The following DNAJB14 variants were observed in gnomAD, a reference collection of about 807,000 sequenced individuals.
DNAJB14 encodes the protein DnaJ heat shock protein family (Hsp40) member B14, also known as dnaJ homolog subfamily B member 14.
A neutral mutation model predicts 48.4 loss-of-function variants in DNAJB14; 22 were observed. The ratio of observed to expected loss-of-function variants is 0.45; its 90% CI spans 0.32 to 0.65. The LOEUF (loss-of-function observed/expected upper bound fraction) is 0.65. Among genes scored for constraint, DNAJB14 ranks in the 30% least tolerant of loss-of-function variants. The pLI, the probability that DNAJB14 is intolerant of heterozygous loss-of-function variation, is 0.03. For missense variants in DNAJB14, 319 were observed against 458.8 expected (o/e 0.70, Z 2.78); for synonymous variants, 142 against 158.7 (o/e 0.89, Z 0.79).
At chr4:99,915,299 G>A (rs562478333) in intron 3 of DNAJB14, among the ~76,000 whole-genome samples, 10 of 152,066 alleles carry the variant, frequency 6.6e-5, no homozygotes, top group African/African-American at 2.2e-4. Context: ...CACCACGCCC[G>A]GCTACTTTTT....
At chr4:99,925,602 T>C (rs1726222867) in intron 2 of DNAJB14, 1 of 152,184 alleles carries the variant, frequency 6.6e-6, no homozygotes, top group Non-Finnish European at 1.5e-5. Flanking sequence ...TAAGGACTTA[T>C]TTCTTCAACA....
intron 1 of DNAJB14, among the ~76,000 whole-genome samples, chr4:99,931,635 T>C (rs976339737): frequency 1.3e-5 from 2 of 151,990 alleles, no homozygotes; most frequent in Non-Finnish European, 2.9e-5. Context: ...ATCTAAGAGA[T>C]ATAACATTAT....
intron 1 of DNAJB14, among the ~76,000 whole-genome samples, chr4:99,934,469 T>A (rs1726594123): frequency 1.3e-5 from 2 of 151,700 alleles, no homozygotes; most frequent in Admixed American, 6.6e-5. Context: ...ATGCATGATA[T>A]AAAAGAACAA....
rs755423998 is a variant in DNAJB14, at chr4:99,946,464, C to T, written c.108G>A (p.Lys36=). Residue 36 remains lysine, a synonymous_variant, in exon 1 of 8, where the codon AAG becomes AAA. Coordinates refer to ENST00000442697, the MANE Select transcript of DNAJB14 (RefSeq NM_001031723.4). ...KAQRFLQKAE[K]LYPLPSARAL... is the part of the protein sequence containing the mutation. Reference sequence around the variant, plus strand: ...CGCGGGCCGAGGGCAGTGGGTAGAGCTTCTCGGCCTTCTGCAGGAAGCGCT... The same window carrying T: ...CGCGGGCCGAGGGCAGTGGGTAGAGTTTCTCGGCCTTCTGCAGGAAGCGCT... 1 of 1,613,266 alleles carries T rather than the reference C, an allele frequency of 6.2e-7. No homozygotes were observed. Among genetic ancestry groups the T allele is most frequent in the East Asian group, 2.2e-5 (1 of 44,816 alleles).
rs925822915 is a variant in DNAJB14, at chr4:99,897,432, C to G, written c.*3596G>C. On this transcript the variant is annotated 3_prime_UTR_variant, in exon 8 of 8. Coordinates refer to ENST00000442697, the MANE Select transcript of DNAJB14 (RefSeq NM_001031723.4). The stretch of plus-strand genomic sequence containing the variant: ...AGTGTTTCCATTTATATGAAAGTAT[C>G]TATTTAATAGTAATAAAACCAAAAA... 1 of 151,734 alleles carries G rather than the reference C, an allele frequency of 6.6e-6. No homozygotes were observed. The highest frequency in any genetic ancestry group is 1.5e-5 in the Non-Finnish European group (1 of 67,816). 9.4% of individuals were successfully genotyped at this position (151,734 alleles called of 1,614,324 possible). A position where few individuals can be genotyped will look rare whatever the true frequency, so the allele number is the denominator to read the frequency against.
intron 3 of DNAJB14, among the ~76,000 whole-genome samples, chr4:99,909,699 C>T (rs1405593404): frequency 6.6e-6 from 1 of 151,920 alleles, no homozygotes; most frequent in Admixed American, 6.6e-5. Context: ...CCAGAATTTA[C>T]TTAAAACAGC....
chr4:99,919,486 G>A (rs1444427202), intron 3 of DNAJB14, among the ~76,000 whole-genome samples: 5 of 152,098 alleles, frequency 3.3e-5, no homozygotes, highest in African/African-American at 1.2e-4. Flanking sequence ...TTGGAAGGCT[G>A]AGGCAGAGAA....
intron 1 of DNAJB14, 48 bp from the exon 2 acceptor site, chr4:99,930,669 C>A: frequency 6.6e-7 from 1 of 1,522,952 alleles, no homozygotes; most frequent in Non-Finnish European, 8.8e-7. Flanking sequence ...AACGTACATA[C>A]ACAAGATCCT....
At chr4:99,945,464 G>A (rs1413026513) in intron 1 of DNAJB14, among the ~76,000 whole-genome samples, 1 of 152,208 alleles carries the variant, frequency 6.6e-6, no homozygotes, top group Non-Finnish European at 1.5e-5. Context: ...CAAGGCAACA[G>A]TGTAGCGGTT....
At chr4:99,918,328 C>G (rs1725931360) in intron 3 of DNAJB14, among the ~76,000 whole-genome samples, 1 of 152,074 alleles carries the variant, frequency 6.6e-6, no homozygotes, top group Non-Finnish European at 1.5e-5. Context: ...CTTTTAATAG[C>G]TTTGCTCAGA....
chr4:99,945,196 T>C (rs1727024956), intron 1 of DNAJB14, among the ~76,000 whole-genome samples: 1 of 152,208 alleles, frequency 6.6e-6, no homozygotes, highest in Non-Finnish European at 1.5e-5. Context: ...GACCGTAAAT[T>C]TGGCAGGTTT....
chr4:99,900,421 T>C lies in DNAJB14; in HGVS notation c.*607A>G, dbSNP rs1379926501. On this transcript the variant is annotated 3_prime_UTR_variant, in exon 8 of 8. Transcript: ENST00000442697. ...CTACACCAGTTCATTTATCTCAATATATATTTTGGAATATAACGGCAATAT... is the reference window on the plus strand; with the variant it reads ...CTACACCAGTTCATTTATCTCAATACATATTTTGGAATATAACGGCAATAT... The C allele has an allele frequency of 6.6e-6, 1 of 152,072 alleles. No individual in the cohort carries two copies. The highest frequency in any genetic ancestry group is 2.1e-4 in the South Asian group (1 of 4,834). The allele number at this position is 152,072 out of a possible 1,614,324, so 9.4% of individuals were successfully genotyped here.
intron 1 of DNAJB14, among the ~76,000 whole-genome samples, chr4:99,944,526 T>C (rs982578797): frequency 6.6e-6 from 1 of 151,988 alleles, no homozygotes; most frequent in African/African-American, 2.4e-5. Context: ...GGTGTATATA[T>C]ACAATGGAAT....
chr4:99,927,986 G>T (rs1227174478), intron 2 of DNAJB14: 1 of 152,112 alleles, frequency 6.6e-6, no homozygotes, highest in Admixed American at 6.5e-5. Context: ...ACAGACTAAA[G>T]TATTTTGAAA....
chr4:99,937,065 C>A (rs1726702916), intron 1 of DNAJB14, among the ~76,000 whole-genome samples: 1 of 152,160 alleles, frequency 6.6e-6, no homozygotes, highest in Admixed American at 6.5e-5. Context: ...GCCTGTAATC[C>A]CAGAACTTTG....
chr4:99,939,909 C>T (rs568291756), intron 1 of DNAJB14, among the ~76,000 whole-genome samples: 1 of 152,280 alleles, frequency 6.6e-6, no homozygotes, highest in African/African-American at 2.4e-5. Context: ...CGCAGTGTTA[C>T]AAACATTAAT....
At chr4:99,937,943 A>T (rs1726738386) in intron 1 of DNAJB14, among the ~76,000 whole-genome samples, 1 of 148,150 alleles carries the variant, frequency 6.7e-6, no homozygotes, top group South Asian at 2.1e-4. Flanking sequence ...AAAAAAAAAA[A>T]GTTGAGGGAA....
chr4:99,899,529 A>C lies in DNAJB14; in HGVS notation c.*1499T>G, dbSNP rs1725227296. 6.6e-6 allele frequency: 1 copy of C among 152,160 alleles called. No individual in the cohort carries two copies. The highest frequency in any genetic ancestry group is 2.4e-5 in the African/African-American group (1 of 41,398). The allele number at this position is 152,160 out of a possible 1,614,324, so 9.4% of individuals were successfully genotyped here. ...TCTATTGATTCACCTGGAAAAGGGG[A>C]TACAACAGAACATTTTTAAGAGGTC... is the stretch of plus-strand genomic sequence containing the variant. On this transcript the variant is annotated 3_prime_UTR_variant, in exon 8 of 8. Coordinates refer to ENST00000442697, the MANE Select transcript of DNAJB14 (RefSeq NM_001031723.4).
intron 1 of DNAJB14, among the ~76,000 whole-genome samples, chr4:99,940,326 C>A (rs1312218305): frequency 6.6e-6 from 1 of 152,188 alleles, no homozygotes; most frequent in Non-Finnish European, 1.5e-5. Context: ...GGCGTGGTGG[C>A]TCATGCTTGT....
Sources: gnomAD v4.1 joint callset for allele counts (sites outside exome capture counted in the v4.1 genomes callset) on GRCh38, gnomAD v4.1.1 for gene constraint, MANE v1.5 for transcripts, NCBI Gene and HGNC (gene_info 2026-07-23, HGNC 2026-07-21) for gene names.